TXLNB: variants seen among roughly 807,000 people sequenced by gnomAD.
The protein encoded by TXLNB is beta-taxilin.
TXLNB carries 37 observed loss-of-function variants against 57.4 expected under a neutral mutation model. That is an observed-to-expected ratio of 0.64 (90% CI 0.50 to 0.85). TXLNB has a LOEUF of 0.85. Ranked by LOEUF, TXLNB falls within the 40% of genes least tolerant of loss-of-function variation. TXLNB has a pLI of 0.00. For synonymous variants in TXLNB, 302 were observed against 309.6 expected (o/e 0.98, Z 0.26); for missense variants, 848 against 825.6 (o/e 1.03, Z -0.33).
At chr6:139,253,025 T>G (rs972492663) in intron 7 of TXLNB, among the ~76,000 whole-genome samples, 2 of 152,150 alleles carry the variant, frequency 1.3e-5, no homozygotes, top group Non-Finnish European at 2.9e-5. Context: ...TGTCTCATAT[T>G]TCCTTCTCAT....
chr6:139,169,155 AATTTCCGCTACCCT>A, the TXLNB span, among the ~76,000 whole-genome samples: 2 of 152,060 alleles, frequency 1.3e-5, no homozygotes, highest in Non-Finnish European at 2.9e-5. Flanking sequence ...TTTCTTTGAC[AATTTCCGCTACCCT>A]ATTTTCACTT....
At chr6:139,227,478 A>G in the TXLNB span, among the ~76,000 whole-genome samples, 1 of 152,232 alleles carries the variant, frequency 6.6e-6, no homozygotes, top group African/African-American at 2.4e-5. Flanking sequence ...CTGGTAGTTG[A>G]AATTATTGTT....
downstream of TXLNB, among the ~76,000 whole-genome samples, chr6:139,235,730 G>A (rs998527349): frequency 6.6e-6 from 1 of 152,060 alleles, no homozygotes; most frequent in African/African-American, 2.4e-5. Flanking sequence ...GGTGAGGACA[G>A]GCACTCCTGT....
chr6:139,312,588 G>A, the TXLNB span, among the ~76,000 whole-genome samples: 389 of 152,242 alleles, frequency 2.6e-3, 1 homozygote, highest in African/African-American at 9.0e-3. Context: ...TAGACTGAGG[G>A]GAAGAGGCTG....
chr6:139,219,295 T>A, the TXLNB span, among the ~76,000 whole-genome samples: 1 of 152,218 alleles, frequency 6.6e-6, no homozygotes, highest in Non-Finnish European at 1.5e-5. Context: ...TCAGTCCAGT[T>A]GCTGGGTATA....
chr6:139,304,464 C>T, the TXLNB span, among the ~76,000 whole-genome samples: 24 of 152,212 alleles, frequency 1.6e-4, no homozygotes, highest in African/African-American at 5.5e-4. Context: ...ATCAGTACCA[C>T]GATGCACAAA....
In TXLNB at chr6:139,288,739, T is replaced by C. The variant is rs1024502518; in HGVS notation, c.161A>G (p.Asp54Gly). 5 of 1,614,198 alleles carry C rather than the reference T, an allele frequency of 3.1e-6. No homozygotes were observed. Among genetic ancestry groups the C allele is most frequent in the Middle Eastern group, 3.3e-4 (2 of 6,062 alleles). Residue 54 changes from aspartate to glycine, a missense_variant, in exon 2 of 10, where the codon GAT (aspartate) becomes GGT (glycine). Asp to Gly is a moderately conservative substitution (Grantham distance 94). Coordinates refer to ENST00000358430, the MANE Select transcript of TXLNB (RefSeq NM_153235.4). ...PPEKEASVHP[D>G]ISEELNRQLE... Reference sequence around the variant, plus strand: ...CTGTCGATTCAGCTCTTCAGAGATATCGGGGTGCACACTTGCCTCTTTCTC... The same window carrying C: ...CTGTCGATTCAGCTCTTCAGAGATACCGGGGTGCACACTTGCCTCTTTCTC...
At chr6:139,193,841 T>TATATATATATATA in the TXLNB span, among the ~76,000 whole-genome samples, 10 of 25,738 alleles carry the variant, frequency 3.9e-4, no homozygotes, top group African/African-American at 9.7e-4. Context: ...TATATATATA[T>TATATATATATATA]TTTTTTTTTT....
Position 139,291,964 on chromosome 6 carries a change from G to A in TXLNB, c.-58C>T, listed in dbSNP as rs1777308748. ...GCAAGAAGAGAGAGGAGAGGAAGGA[G>A]GCAGGAAAAAGCAAGTCAGAGCTGC... On this transcript the variant is annotated 5_prime_UTR_variant, in exon 1 of 10. Coordinates refer to ENST00000358430, the MANE Select transcript of TXLNB (RefSeq NM_153235.4). The A allele has an allele frequency of 6.5e-6, 1 of 153,136 alleles. No individual in the cohort carries two copies. The highest frequency in any genetic ancestry group is 2.4e-5 in the African/African-American group (1 of 41,428). 9.5% of individuals were successfully genotyped at this position (153,136 alleles called of 1,614,324 possible).
intron 2 of TXLNB, 70 bp downstream of exon 2, chr6:139,288,406 G>GT: frequency 7.0e-7 from 1 of 1,426,132 alleles, no homozygotes; most frequent in Non-Finnish European, 9.7e-7. Context: ...TTTTAGTGAA[G>GT]TTTGGAAGAA....
the TXLNB span, among the ~76,000 whole-genome samples, chr6:139,187,039 G>A: frequency 6.6e-6 from 1 of 152,148 alleles, no homozygotes. Flanking sequence ...CTTGATTGTA[G>A]TGATGGTTTC....
the TXLNB span, among the ~76,000 whole-genome samples, chr6:139,207,212 A>C: frequency 2.0e-5 from 3 of 152,218 alleles, no homozygotes; most frequent in Non-Finnish European, 4.4e-5. Context: ...ATATTCTCCA[A>C]GATAGACCAT....
At chr6:139,267,167 G>A (rs1776637244) in intron 4 of TXLNB, among the ~76,000 whole-genome samples, 1 of 152,106 alleles carries the variant, frequency 6.6e-6, no homozygotes, top group African/African-American at 2.4e-5. Flanking sequence ...ACAGAAATGT[G>A]AAGCTACAGA....
chr6:139,224,302 G>T, the TXLNB span, among the ~76,000 whole-genome samples: 8 of 129,882 alleles, frequency 6.2e-5, 1 homozygote, highest in South Asian at 2.9e-4. Context: ...ATTGTGGGGT[G>T]GGGGGAGGGG....
chr6:139,302,023 T>C, the TXLNB span, among the ~76,000 whole-genome samples: 1 of 152,028 alleles, frequency 6.6e-6, no homozygotes, highest in African/African-American at 2.4e-5. Context: ...CAAACAAAAA[T>C]ATATATATAT....
At chr6:139,175,846 A>T in the TXLNB span, among the ~76,000 whole-genome samples, 1 of 152,234 alleles carries the variant, frequency 6.6e-6, no homozygotes, top group South Asian at 2.1e-4. Context: ...GGTATTCACC[A>T]TGCACTGTAT....
At chr6:139,316,366 G>T in the TXLNB span, among the ~76,000 whole-genome samples, 1 of 152,138 alleles carries the variant, frequency 6.6e-6, no homozygotes, top group African/African-American at 2.4e-5. Flanking sequence ...CCCACCACAG[G>T]TGATGTTTGA....
the TXLNB span, chr6:139,176,896 G>T: frequency 2.0e-4 from 168 of 842,854 alleles, 4 homozygotes; most frequent in Admixed American, 2.7e-3. This position sits in a 1 kb window ranked among gnomAD's most constrained non-coding sequence, Gnocchi z 4.5. Context: ...GACAAGTGTT[G>T]GGAAGTGGAG....
chr6:139,166,872 G>GC, the TXLNB span: 2 of 1,613,928 alleles, frequency 1.2e-6, no homozygotes, highest in South Asian at 1.1e-5. Context: ...CACTTCAGCG[G>GC]CCCCCGCTCC....
Sources: gnomAD v4.1 joint callset for allele counts (sites outside exome capture counted in the v4.1 genomes callset) on GRCh38, gnomAD v4.1.1 for gene constraint, Gnocchi (gnomAD v3.1) non-coding constraint, MANE v1.5 for transcripts, NCBI Gene and HGNC (gene_info 2026-07-23, HGNC 2026-07-21) for gene names.